Variants in TRPC4 observed in about 807,000 individuals in gnomAD.
The protein encoded by TRPC4 is transient receptor potential cation channel subfamily C member 4.
TRPC4 carries 49 observed loss-of-function variants against 99.4 expected under a neutral mutation model. That is an observed-to-expected ratio of 0.49 (90% CI 0.39 to 0.63). The LOEUF is 0.63. Ranked by LOEUF, TRPC4 falls within the 20% of genes least tolerant of loss-of-function variation. The probability of loss-of-function intolerance (pLI) is 0.00; values close to 1 mark genes in which losing one functional copy is unlikely to be tolerated. For missense variants in TRPC4, 898 were observed against 1,152.9 expected, an observed-to-expected ratio of 0.78 and a Z score of 3.20; for synonymous variants, 454 against 425.9, an observed-to-expected ratio of 1.07 and a Z score of -0.81.
At chr13:37,644,567 CAT>C (rs1285647240) in intron 8 of TRPC4, among the ~76,000 whole-genome samples, 1 of 152,004 alleles carries the variant, frequency 6.6e-6, no homozygotes, top group Non-Finnish European at 1.5e-5. Context: ...TACAATATCA[CAT>C]AGAAATTTCT....
intron 8 of TRPC4, among the ~76,000 whole-genome samples, chr13:37,641,450 C>T (rs1323591501): frequency 1.3e-5 from 2 of 152,110 alleles, no homozygotes; most frequent in Admixed American, 6.5e-5. Flanking sequence ...AAAATTTTAT[C>T]AGGCAATGAA....
intron 3 of TRPC4, among the ~76,000 whole-genome samples, chr13:37,721,841 T>C (rs1566121033): frequency 6.6e-6 from 1 of 152,166 alleles, no homozygotes; most frequent in African/African-American, 2.4e-5. Context: ...TTCGCTATGC[T>C]ACTCAGACTG....
At chr13:37,726,096 T>TGAG (rs1308386678) in intron 3 of TRPC4, among the ~76,000 whole-genome samples, 2 of 151,790 alleles carry the variant, frequency 1.3e-5, no homozygotes, top group African/African-American at 4.8e-5. Context: ...CTCGGAAGGC[T>TGAG]GAGGTAGGAG....
chr13:37,722,457 C>A (rs1444668428), intron 3 of TRPC4, among the ~76,000 whole-genome samples: 1 of 152,208 alleles, frequency 6.6e-6, no homozygotes, highest in Non-Finnish European at 1.5e-5. Context: ...TACTGGTAAA[C>A]ATCCCTTATG....
In TRPC4 at chr13:37,792,213, C is replaced by T. The variant is rs374032108; in HGVS notation, c.-27-8853G>A. Reference sequence around the variant, plus strand: ...CATATTAACCCCTAAGATTAAGATGCCATAATGACAGACTCTGATGCTAGC... The same window carrying T: ...CATATTAACCCCTAAGATTAAGATGTCATAATGACAGACTCTGATGCTAGC... On this transcript the variant is annotated intron_variant, in intron 1 of 10. Transcript: ENST00000379705. 9.4e-4 allele frequency among the ~76,000 whole-genome samples: 143 copies of T among 152,184 alleles called. 4 individuals are homozygous for T. The South Asian group carries it at 0.025, about 27-fold the overall frequency.
intron 1 of TRPC4, among the ~76,000 whole-genome samples, chr13:37,863,656 G>A (rs1485831746): frequency 2.6e-5 from 4 of 151,600 alleles, no homozygotes; most frequent in Non-Finnish European, 4.4e-5. Context: ...AGAAACTCAT[G>A]CTGTCATAAA....
chr13:37,642,510 G>A (rs1014362216), intron 8 of TRPC4, among the ~76,000 whole-genome samples: 2 of 152,114 alleles, frequency 1.3e-5, no homozygotes, highest in Non-Finnish European at 2.9e-5. Context: ...CTCTGGCTGA[G>A]CTCAGGGATA....
At position 37,692,165 on chromosome 13, in the gene TRPC4, T is replaced by A; in HGVS notation, c.1068A>T (p.Gly356=). ...TGATAAATGGCTTCCTGATGAACAG[T>A]CCAAGTGGGCTTTTGGGAGCTATCA... The part of the protein sequence containing the change: ...CYLIAPKSPL[G]LFIRKPFIKF... The change falls in exon 4 of 11, where the codon GGA becomes GGT. Residue 356 remains glycine, a synonymous_variant. Coordinates refer to ENST00000379705, the MANE Select transcript of TRPC4 (RefSeq NM_016179.4). 3 of 1,614,028 alleles carry A rather than the reference T, an allele frequency of 1.9e-6. No individual in the cohort carries two copies. The highest frequency in any genetic ancestry group is 1.7e-6 in the Non-Finnish European group (2 of 1,180,006).
At chr13:37,865,612 G>GT (rs1181857875) in intron 1 of TRPC4, among the ~76,000 whole-genome samples, 2 of 151,654 alleles carry the variant, frequency 1.3e-5, no homozygotes, top group African/African-American at 4.8e-5. Context: ...GATGGGGACA[G>GT]TTGTTTATAT....
chr13:37,755,242 G>T (rs1956066442), intron 2 of TRPC4, among the ~76,000 whole-genome samples: 1 of 150,562 alleles, frequency 6.6e-6, no homozygotes, highest in African/African-American at 2.5e-5. Flanking sequence ...AGAATAAATG[G>T]ATACATGTCC....
chr13:37,634,938 A>C lies in TRPC4; in HGVS notation c.*1965T>G, dbSNP rs1290208861. Among the ~76,000 whole-genome samples, 2 of 152,044 alleles carry C rather than the reference A, an allele frequency of 1.3e-5. No homozygotes were observed. The highest frequency in any genetic ancestry group is 6.6e-5 in the Admixed American group (1 of 15,232). ...CTATCTGGCCCATTCCTAAATTCCC[A>C]AAAACCAGGTTTAGGAGTGAACAGG... On this transcript the variant is annotated 3_prime_UTR_variant, in exon 11 of 11. Coordinates refer to ENST00000379705, the MANE Select transcript of TRPC4 (RefSeq NM_016179.4).
intron 2 of TRPC4, among the ~76,000 whole-genome samples, chr13:37,767,339 T>G (rs1593695751): frequency 2.7e-3 from 1 of 368 alleles, no homozygotes; most frequent in South Asian, 0.25. Flanking sequence ...AGATTCAGCA[T>G]ATATATATAT....
intron 3 of TRPC4, among the ~76,000 whole-genome samples, chr13:37,701,945 C>G (rs1406366632): frequency 6.6e-6 from 1 of 152,046 alleles, no homozygotes; most frequent in African/African-American, 2.4e-5. Flanking sequence ...TGGCTTAAAA[C>G]AACATATTTT....
At chr13:37,762,508 A>AC (rs1356089915) in intron 2 of TRPC4, among the ~76,000 whole-genome samples, 5 of 151,602 alleles carry the variant, frequency 3.3e-5, no homozygotes, top group African/African-American at 1.2e-4. Flanking sequence ...AAAATGTGGC[A>AC]CATATACACC....
At chr13:37,638,288 ATTTGAAC>A (rs1351586533) in intron 10 of TRPC4, among the ~76,000 whole-genome samples, 3 of 151,976 alleles carry the variant, frequency 2.0e-5, no homozygotes, top group African/African-American at 7.2e-5. Flanking sequence ...TAATATTACA[ATTTGAAC>A]TTTATGGCTG....
intron 4 of TRPC4, among the ~76,000 whole-genome samples, chr13:37,682,497 T>C (rs1227798263): frequency 6.6e-6 from 1 of 152,180 alleles, no homozygotes; most frequent in Non-Finnish European, 1.5e-5. Flanking sequence ...GGGCAGCTCC[T>C]GTTCTCAGCA....
chr13:37,751,333 T>A (rs1955927421), intron 2 of TRPC4, among the ~76,000 whole-genome samples: 1 of 152,034 alleles, frequency 6.6e-6, no homozygotes, highest in African/African-American at 2.4e-5. Context: ...AAGATGCTAT[T>A]CAAAATATAC....
chr13:37,755,823 T>G (rs1392800604), intron 2 of TRPC4, among the ~76,000 whole-genome samples: 2 of 152,198 alleles, frequency 1.3e-5, no homozygotes, highest in Non-Finnish European at 1.5e-5. Flanking sequence ...AATGCCTTTT[T>G]AAAGTTCTGG....
intron 1 of TRPC4, among the ~76,000 whole-genome samples, chr13:37,834,669 G>A (rs1958512446): frequency 6.6e-6 from 1 of 152,080 alleles, no homozygotes; most frequent in South Asian, 2.1e-4. Flanking sequence ...GATGCACTCT[G>A]GTTTCTCCAA....
Sources: allele counts gnomAD v4.1 joint callset (sites outside exome capture counted in the v4.1 genomes callset), GRCh38; gene constraint gnomAD v4.1.1; transcripts MANE v1.5; gene names NCBI Gene and HGNC (gene_info 2026-07-23, HGNC 2026-07-21).